Variants in POP4 observed in about 807,000 individuals in gnomAD.
POP4 encodes POP4 ribonuclease P/MRP subunit, also known as ribonuclease P protein subunit p29.
A neutral mutation model predicts 29.9 loss-of-function variants in POP4; 31 were observed. That is an observed-to-expected ratio of 1.04 (90% confidence interval 0.78 to 1.40). The LOEUF is 1.40. POP4 is among the 40% of genes most tolerant of loss of function. The pLI is 0.00. For synonymous variants in POP4, 110 were observed against 108.2 expected (o/e 1.02, Z -0.10); for missense variants, 286 against 282.7 (o/e 1.01, Z -0.08).
At chr19:29,611,804 C>G in intron 3 of POP4, 58 bp from the exon 4 acceptor site, 1 of 1,420,086 alleles carries the variant, frequency 7.0e-7, no homozygotes, top group East Asian at 2.3e-5. Flanking sequence ...GCTATTTGGA[C>G]ATTGTCATCC....
At chr19:29,608,262 C>CTTTTTTTTTTTTTTTTTT (rs1164860504) in intron 1 of POP4, among the ~76,000 whole-genome samples, 5 of 86,578 alleles carry the variant, frequency 5.8e-5, no homozygotes, top group African/African-American at 2.6e-4. Context: ...CTTTTCTTTT[C>CTTTTTTTTTTTTTTTTTT]TTTTTTTTTT....
intron 3 of POP4, chr19:29,611,610 C>G: frequency 4.5e-6 from 2 of 447,470 alleles, no homozygotes; most frequent in South Asian, 3.0e-5. Context: ...GTTTATTTCT[C>G]TCTCATGAAA....
intron 2 of POP4, chr19:29,610,188 G>A: frequency 1.8e-6 from 1 of 564,974 alleles, no homozygotes; most frequent in South Asian, 2.2e-5. Context: ...ACGCTGTTGT[G>A]TGTGACAAAC....
In POP4 at chr19:29,611,865, C is replaced by G; in HGVS notation, c.288C>G (p.Tyr96Ter). 1 of 1,614,034 alleles carries G rather than the reference C, an allele frequency of 6.2e-7. No individual in the cohort carries two copies. Among genetic ancestry groups the G allele is most frequent in the Non-Finnish European group, 8.5e-7 (1 of 1,179,888 alleles). Reference protein sequence around the residue: ...LFDIKPEQQRYSLFLPLHELW... With the variant: ...LFDIKPEQQR ...CCTGTTTCTGACTTTGCTGCAGATA[C>G]AGCCTTTTCCTCCCTCTCCATGAAC... The change falls in exon 4 of 7, where the codon TAC becomes TAG. Residue 96 changes from tyrosine (Y) to a stop codon, truncating the protein, a stop_gained. Transcript: ENST00000585603. LOFTEE classifies it high-confidence loss of function.
In POP4 at chr19:29,616,468, A is replaced by G. The variant is rs532403953; in HGVS notation, c.*1088A>G. The G allele has an allele frequency of 3.9e-5, 6 of 152,400 alleles. No individual in the cohort carries two copies. The East Asian group carries it at 1.2e-3, about 29-fold the overall frequency. The allele number at this position is 152,400 out of a possible 1,614,324, so 9.4% of individuals were successfully genotyped here. ...GCCCTCCTGGCGAAAGGCAGGCCAC[A>G]AATCTGTTCTCCCCCAGGAGAAGTA... On this transcript the variant is annotated 3_prime_UTR_variant, in exon 7 of 7. Coordinates refer to ENST00000585603, the MANE Select transcript of POP4 (RefSeq NM_006627.3).
chr19:29,610,420 A>G lies in POP4; in HGVS notation c.72A>G (p.Ala24=). The change falls in exon 3 of 7, where the codon GCA becomes GCG. Residue 24 remains alanine (A), a synonymous_variant. Transcript: ENST00000585603. Reference sequence around the variant, plus strand: ...TTGTCCGCCTGCAGCCTTCAGGAGCACAGCGGGCCGAGGCCTTCGTGAGGG... The same window carrying G: ...TTGTCCGCCTGCAGCCTTCAGGAGCGCAGCGGGCCGAGGCCTTCGTGAGGG... ...ANDSDVQPSG[A]QRAEAFVRAF... is the part of the protein sequence containing the mutation. The G allele has an allele frequency of 6.4e-7, 1 of 1,563,000 alleles. No individual in the cohort carries two copies. Among genetic ancestry groups the G allele is most frequent in the Non-Finnish European group, 8.7e-7 (1 of 1,154,072 alleles).
intron 5 of POP4, among the ~76,000 whole-genome samples, chr19:29,613,603 G>A (rs1360789499): frequency 6.6e-6 from 1 of 152,194 alleles, no homozygotes; most frequent in Non-Finnish European, 1.5e-5. Flanking sequence ...TTTAATTCCA[G>A]AATCCTGCCC....
intron 3 of POP4, chr19:29,610,866 A>G: frequency 1.8e-6 from 1 of 546,564 alleles, no homozygotes; most frequent in Non-Finnish European, 3.3e-6. Flanking sequence ...GACCCGTGCA[A>G]GTACATCTGT....
Position 29,610,545 on chromosome 19 carries a change from G to C in POP4, c.197G>C (p.Arg66Pro). ...CTGGAGTACTTCACCCGCCACAAGC[G>C]CAAGGAGAAGAAGAAGAAAGCCAAA... Reference protein sequence around the residue: ...VVLEYFTRHKRKEKKKKAKGL... With the variant: ...VVLEYFTRHKPKEKKKKAKGL... The change falls in exon 3 of 7, where the codon CGC becomes CCC. Residue 66 changes from arginine (R) to proline (P), a missense_variant. Coordinates refer to ENST00000585603, the MANE Select transcript of POP4 (RefSeq NM_006627.3). 6.2e-7 allele frequency: 1 copy of C among 1,614,176 alleles called. No individual in the cohort carries two copies. The highest frequency in any genetic ancestry group is 8.5e-7 in the Non-Finnish European group (1 of 1,180,036).
chr19:29,610,654 T>C (rs1971057117), intron 3 of POP4, 22 bp downstream of exon 3: 1 of 1,608,110 alleles, frequency 6.2e-7, no homozygotes. Context: ...TCCCCACGTC[T>C]TTCTGCCCGC....
Position 29,610,571 on chromosome 19 carries a change from G to T in POP4, c.223G>T (p.Gly75Cys). ...KRKEKKKKAK[G>C]LSARQRRELR... is the part of the protein sequence containing the mutation. Reference sequence around the variant, plus strand: ...CAAGGAGAAGAAGAAGAAAGCCAAAGGCCTCTCTGCCAGGCAAAGGAGGGA... The same window carrying T: ...CAAGGAGAAGAAGAAGAAAGCCAAATGCCTCTCTGCCAGGCAAAGGAGGGA... The change falls in exon 3 of 7, where the codon GGC becomes TGC. Residue 75 changes from glycine (G) to cysteine (C), a missense_variant. Gly to Cys is a radical substitution (Grantham distance 159). Transcript: ENST00000585603. 6.2e-7 allele frequency: 1 copy of T among 1,614,182 alleles called. No homozygotes were observed. Among genetic ancestry groups the T allele is most frequent in the Non-Finnish European group, 8.5e-7 (1 of 1,180,040 alleles).
At chr19:29,614,089 G>C in intron 6 of POP4, 117 bp downstream of exon 6, 1 of 1,458,766 alleles carries the variant, frequency 6.9e-7, no homozygotes, top group South Asian at 1.5e-5. Context: ...GCAGATTGCA[G>C]ATACTTGCTG....
At chr19:29,610,111 G>T in intron 2 of POP4, 1 of 400,300 alleles carries the variant, frequency 2.5e-6, no homozygotes, top group Non-Finnish European at 4.5e-6. Flanking sequence ...CTTCAAGATA[G>T]AAAGGTTTTG....
intron 2 of POP4, chr19:29,610,156 G>A: frequency 1.9e-6 from 1 of 513,662 alleles, no homozygotes; most frequent in Non-Finnish European, 3.5e-6. Context: ...AGCAGGGCCA[G>A]AGCAGGAAGT....
chr19:29,611,905 A>T lies in POP4; in HGVS notation c.328A>T (p.Ile110Phe), dbSNP rs771224240. 86 of 1,614,084 alleles carry T rather than the reference A, an allele frequency of 5.3e-5. No homozygotes were observed. Among genetic ancestry groups the T allele is most frequent in the Non-Finnish European group, 7.0e-5 (83 of 1,180,048 alleles). ...TCTCCATGAACTCTGGAAACAGTAC[A>T]TCAGGGACCTGTGCAGTGGGCTCAA... is the stretch of plus-strand genomic sequence containing the variant. ...LPLHELWKQY[I>F]RDLCSGLKPD... Residue 110 changes from isoleucine (I) to phenylalanine (F), a missense_variant, in exon 4 of 7, where the codon ATC becomes TTC. Coordinates refer to ENST00000585603, the MANE Select transcript of POP4 (RefSeq NM_006627.3).
intron 2 of POP4, 92 bp from the exon 3 acceptor site, chr19:29,610,317 C>A (rs1025927269): frequency 3.3e-6 from 4 of 1,220,746 alleles, no homozygotes; most frequent in East Asian, 2.6e-5. Context: ...TTTGCTCTTG[C>A]AGTAGCTGCC....
intron 2 of POP4, chr19:29,608,934 T>G: frequency 2.0e-6 from 1 of 512,642 alleles, no homozygotes. Flanking sequence ...AAATGAGGCT[T>G]TCCTTAACCT....
intron 5 of POP4, 94 bp downstream of exon 5, chr19:29,612,272 CTT>C (rs1971078153): frequency 4.2e-6 from 5 of 1,203,632 alleles, no homozygotes; most frequent in Admixed American, 4.9e-5. Flanking sequence ...TGGACACACT[CTT>C]TACCGTGTGG....
Position 29,613,790 on chromosome 19 carries a change from C to T in POP4, c.425-81C>T, listed in dbSNP as rs1760362737. 4 of 1,528,562 alleles carry T rather than the reference C, an allele frequency of 2.6e-6. No individual in the cohort carries two copies. The Admixed American group carries it at 6.8e-5, about 26-fold the overall frequency. The allele number at this position is 1,528,562 out of a possible 1,614,324, so 94.7% of individuals were successfully genotyped here. A position where few individuals can be genotyped will look rare whatever the true frequency, so the allele number is the denominator to read the frequency against. ...TAGCTCAGAGGGTGGGATCAGCACC[C>T]CCAACCCCTGAGGCCTGCTTCTCTG... On this transcript the variant is annotated intron_variant, in intron 5 of 6. Coordinates refer to ENST00000585603, the MANE Select transcript of POP4 (RefSeq NM_006627.3).
Sources: gnomAD v4.1 joint callset for allele counts (sites outside exome capture counted in the v4.1 genomes callset) on GRCh38, gnomAD v4.1.1 for gene constraint, MANE v1.5 for transcripts, NCBI Gene and HGNC (gene_info 2026-07-23, HGNC 2026-07-21) for gene names.